PIGG: variants seen among roughly 807,000 people sequenced by gnomAD.
The protein encoded by PIGG is GPI ethanolamine phosphate transferase 2, catalytic subunit.
A neutral mutation model predicts 83.2 loss-of-function variants in PIGG; 70 were observed. The observed-to-expected ratio is 0.84, with a 90% CI of 0.69 to 1.03. The LOEUF is 1.03. Ranked by LOEUF, PIGG falls within the 50% of genes least tolerant of loss-of-function variation. PIGG has a pLI of 0.00. For missense variants in PIGG, 1,257 were observed against 1,233.6 expected (o/e 1.02, Z -0.28); for synonymous variants, 532 against 519.5 (o/e 1.02, Z -0.33).
intron 6 of PIGG, among the ~76,000 whole-genome samples, chr4:520,121 C>T (rs1725322072): frequency 6.6e-6 from 1 of 152,228 alleles, no homozygotes; most frequent in African/African-American, 2.4e-5. Context: ...AGCTCTTTCA[C>T]TGCTGTGATA....
rs1731561219 is a variant in PIGG, at chr4:539,496, A to G, written c.*127A>G. 1.6e-6 allele frequency: 1 copy of G among 619,730 alleles called. No individual in the cohort carries two copies. The highest frequency in any genetic ancestry group is 2.9e-6 in the Non-Finnish European group (1 of 350,650). 38.4% of individuals were successfully genotyped at this position (619,730 alleles called of 1,614,324 possible). A position where few individuals can be genotyped will look rare whatever the true frequency, so the allele number is the denominator to read the frequency against. On this transcript the variant is annotated 3_prime_UTR_variant, in exon 13 of 13. Coordinates refer to ENST00000453061, the MANE Select transcript of PIGG (RefSeq NM_001127178.3). ...TGCTCTACCTGAATTTAGACTAAGC[A>G]GTAAATAGTTTAATAAAAGATCACT...
intron 11 of PIGG, 82 bp downstream of exon 11, chr4:530,827 A>G (rs879727575): frequency 2.8e-5 from 28 of 987,308 alleles, no homozygotes; most frequent in Non-Finnish European, 3.8e-5. Context: ...AAATGTTCCC[A>G]TAAGTTGGAA....
chr4:510,896 T>C (rs1721667062), intron 5 of PIGG, among the ~76,000 whole-genome samples: 1 of 151,946 alleles, frequency 6.6e-6, no homozygotes, highest in South Asian at 2.1e-4. Context: ...TAGATTTGCC[T>C]CTTCTGCATG....
rs144605969 is a variant in PIGG, at chr4:538,330, C to T, written c.2736-823C>T. Among the ~76,000 whole-genome samples, 674 of 152,216 alleles carry T rather than the reference C, an allele frequency of 4.4e-3. 8 individuals carry two copies. Among genetic ancestry groups the T allele is most frequent in the African/African-American group, 0.016 (652 of 41,522 alleles). On this transcript the variant is annotated intron_variant, in intron 12 of 12. Coordinates refer to ENST00000453061, the MANE Select transcript of PIGG (RefSeq NM_001127178.3). ...TTGGTGGTTTCAAAACTAGGGGGTA[C>T]ATTAACATACTTCGAGGGGTGGCTC...
chr4:530,876 C>T (rs996835766), intron 11 of PIGG, 131 bp downstream of exon 11: 7 of 676,424 alleles, frequency 1.0e-5, no homozygotes, highest in African/African-American at 3.6e-5. Context: ...ACGCTGAACT[C>T]TCGTGTATTT....
At position 505,910 on chromosome 4, in the gene PIGG, G is replaced by T. The variant is rs782554486; in HGVS notation, c.553G>T (p.Val185Leu). The change falls in exon 3 of 13, where the codon GTG becomes TTG. Residue 185 changes from valine (V) to leucine (L), a missense_variant. By Grantham distance (32) the Val-to-Leu change is conservative (BLOSUM62 1). Coordinates refer to ENST00000453061, the MANE Select transcript of PIGG (RefSeq NM_001127178.3). ...VEYDGTTSFF[V>L]SDYTEVDNNV... Reference sequence around the variant, plus strand: ...ATATGATGGAACAACCTCATTTTTCGTGTCAGATTACACAGAGGTCAGTTT... The same window carrying T: ...ATATGATGGAACAACCTCATTTTTCTTGTCAGATTACACAGAGGTCAGTTT... The T allele has an allele frequency of 1.2e-5, 20 of 1,611,144 alleles. No individual in the cohort carries two copies. In the East Asian group the frequency reaches 4.2e-4, roughly 34 times the overall value.
intron 9 of PIGG, chr4:524,578 C>T (rs983108245): frequency 6.6e-6 from 1 of 152,236 alleles, no homozygotes; most frequent in African/African-American, 2.4e-5. Flanking sequence ...AGAATGCGCT[C>T]ATTACTGCGA....
chr4:503,001 C>T (rs1401507403), intron 2 of PIGG, among the ~76,000 whole-genome samples: 5 of 151,904 alleles, frequency 3.3e-5, no homozygotes, highest in East Asian at 1.9e-4. Context: ...AGGAAGAAAG[C>T]GGAATGGCCA....
At chr4:512,712 C>T (rs896082449) in intron 5 of PIGG, among the ~76,000 whole-genome samples, 1 of 151,696 alleles carries the variant, frequency 6.6e-6, no homozygotes, top group Non-Finnish European at 1.5e-5. Flanking sequence ...CTACTCAGGA[C>T]GCTGAGGCAG....
rs2108967828 is a variant in PIGG, at chr4:523,735, C to T, written c.1891C>T (p.Leu631=). Residue 631 remains leucine, a synonymous_variant, in exon 9 of 13, where the codon CTG becomes TTG. Coordinates refer to ENST00000453061, the MANE Select transcript of PIGG (RefSeq NM_001127178.3). ...AWQDGPGCDV[L]ERDKGHGSPS... ...GCAGGACGGGCCTGGCTGTGATGTC[C>T]TGGAGCGAGACAAAGGCCACGGAAG... 1.2e-6 allele frequency: 2 copies of T among 1,614,192 alleles called. No individual in the cohort carries two copies. The highest frequency in any genetic ancestry group is 2.2e-5 in the East Asian group (1 of 44,894).
At chr4:525,975 T>C (rs573391713) in intron 9 of PIGG, 51 of 152,336 alleles carry the variant, frequency 3.3e-4, no homozygotes, top group African/African-American at 1.1e-3. Context: ...ACACCTTGTT[T>C]CTTACTTTCC....
At chr4:529,675 AT>A (rs1277447791) in intron 10 of PIGG, among the ~76,000 whole-genome samples, 2 of 152,244 alleles carry the variant, frequency 1.3e-5, no homozygotes, top group African/African-American at 4.8e-5. Flanking sequence ...GATAACTATC[AT>A]AAGAGTACTT....
Position 528,687 on chromosome 4 carries a change from G to A in PIGG, c.2261+1457G>A, listed in dbSNP as rs1728309454. ...GTTACATTTGCGGGTGTGTGTTTAA[G>A]GTGCAGCGTATGAATAAATTCATTT... On this transcript the variant is annotated intron_variant, in intron 10 of 12. Coordinates refer to ENST00000453061, the MANE Select transcript of PIGG (RefSeq NM_001127178.3). The surrounding 1 kb of genome is among the most constrained non-coding windows in gnomAD (Gnocchi z 4.8). 1 of 985,314 alleles carries A rather than the reference G, an allele frequency of 1.0e-6. No homozygotes were observed. The highest frequency in any genetic ancestry group is 1.7e-5 in the African/African-American group (1 of 57,330). 61.0% of individuals were successfully genotyped at this position (985,314 alleles called of 1,614,324 possible). A position where few individuals can be genotyped will look rare whatever the true frequency, so the allele number is the denominator to read the frequency against.
intron 11 of PIGG, chr4:533,361 C>T (rs563895241): frequency 1.1e-4 from 19 of 167,680 alleles, no homozygotes; most frequent in Non-Finnish European, 1.7e-4. Flanking sequence ...GCTGGGTGCC[C>T]GTTCTAGTCT....
intron 2 of PIGG, among the ~76,000 whole-genome samples, chr4:504,448 T>C (rs1718895002): frequency 1.3e-5 from 2 of 152,238 alleles, no homozygotes; most frequent in South Asian, 4.1e-4. Flanking sequence ...ATTCCGTGTT[T>C]TTTCTTAAAT....
At position 523,952 on chromosome 4, in the gene PIGG, ACGGCCGATTGGTCAC is replaced by A. The variant is rs112628147; in HGVS notation, c.2069+41_2069+55del. The A allele has an allele frequency of 4.8e-3, 6,318 of 1,320,794 alleles. 225 individuals carry two copies. In the African/African-American group the frequency reaches 0.083, roughly 17 times the overall value. The allele number at this position is 1,320,794 out of a possible 1,614,324, so 81.8% of individuals were successfully genotyped here. ...CCCGTGGCCACAGGCCAGACTTTCT[ACGGCCGATTGGTCAC>A]CTGCCAAGCTCTTCTTTTTCTAAAT... On this transcript the variant is annotated intron_variant, in intron 9 of 12. Coordinates refer to ENST00000453061, the MANE Select transcript of PIGG (RefSeq NM_001127178.3).
intron 2 of PIGG, 75 bp from the exon 3 acceptor site, chr4:505,643 A>AAAG: frequency 8.9e-7 from 1 of 1,119,162 alleles, no homozygotes; most frequent in Non-Finnish European, 1.3e-6. Context: ...AAAAAAAAAA[A>AAAG]AAAAAATCTT....
chr4:529,080 G>C (rs1047901880), intron 10 of PIGG, among the ~76,000 whole-genome samples: 1 of 152,134 alleles, frequency 6.6e-6, no homozygotes, highest in African/African-American at 2.4e-5. Flanking sequence ...AGTGGAGGTG[G>C]AAGCGGGGTG....
At position 527,063 on chromosome 4, in the gene PIGG, T is replaced by C. The variant is rs2108994868; in HGVS notation, c.2094T>C (p.Ser698=). The change falls in exon 10 of 13, where the codon TCT becomes TCC. Residue 698 remains serine (S), a synonymous_variant. Coordinates refer to ENST00000453061, the MANE Select transcript of PIGG (RefSeq NM_001127178.3). ...LTSSDHKAEL[S]VLAALSLLVV... is the part of the protein sequence containing the mutation. ...GCTCTGACCACAAAGCCGAGCTCTC[T>C]GTCCTGGCTGCCCTCTCCCTCCTCG... The C allele has an allele frequency of 6.2e-7, 1 of 1,614,186 alleles. No homozygotes were observed. Among genetic ancestry groups the C allele is most frequent in the Middle Eastern group, 1.6e-4 (1 of 6,062 alleles).
Sources: gnomAD v4.1 joint callset for allele counts (sites outside exome capture counted in the v4.1 genomes callset) on GRCh38, gnomAD v4.1.1 for gene constraint, Gnocchi (gnomAD v3.1) non-coding constraint, MANE v1.5 for transcripts, NCBI Gene and HGNC (gene_info 2026-07-23, HGNC 2026-07-21) for gene names.